Variants in GALNT13 observed in about 807,000 individuals in gnomAD.
GALNT13 encodes the protein UDP-GalNAc:polypeptide N-acetylgalactosaminyltransferase 13.
In GALNT13, 28 loss-of-function variants were observed where a neutral mutation model predicts 64.2. The observed-to-expected ratio is 0.44, with a 90% CI of 0.32 to 0.60. The LOEUF is 0.60. Ranked by LOEUF, GALNT13 falls within the 20% of genes least tolerant of loss-of-function variation. The pLI is 0.05. For synonymous variants in GALNT13, 214 were observed against 224.6 expected, an observed-to-expected ratio of 0.95 and a Z score of 0.42; for missense variants, 577 against 669.8, an observed-to-expected ratio of 0.86 and a Z score of 1.53.
the GALNT13 span, among the ~76,000 whole-genome samples, chr2:153,859,806 T>C: frequency 1.3e-5 from 2 of 152,196 alleles, no homozygotes; most frequent in Non-Finnish European, 2.9e-5. Context: ...ACTTCTATAC[T>C]TTTTAATGGA....
intron 8 of GALNT13, among the ~76,000 whole-genome samples, chr2:154,289,137 A>G (rs1692454432): frequency 6.6e-6 from 1 of 152,176 alleles, no homozygotes; most frequent in South Asian, 2.1e-4. Flanking sequence ...GCCCAACACC[A>G]TGTGTAAGCC....
At chr2:153,174,629 T>C in the GALNT13 span, among the ~76,000 whole-genome samples, 94 of 152,316 alleles carry the variant, frequency 6.2e-4, no homozygotes, top group African/African-American at 2.2e-3. Flanking sequence ...GCACTTTGCT[T>C]AGAAATCTCT....
chr2:153,122,818 C>T, the GALNT13 span, among the ~76,000 whole-genome samples: 1 of 152,098 alleles, frequency 6.6e-6, no homozygotes, highest in East Asian at 1.9e-4. Flanking sequence ...AATTATACCC[C>T]CTCCCCCCAA....
chr2:153,297,770 A>G, the GALNT13 span, among the ~76,000 whole-genome samples: 5 of 152,218 alleles, frequency 3.3e-5, no homozygotes, highest in Non-Finnish European at 5.9e-5. Flanking sequence ...GAGGCTAACA[A>G]TAGTGGATGT....
chr2:153,403,531 C>T, the GALNT13 span, among the ~76,000 whole-genome samples: 4 of 152,230 alleles, frequency 2.6e-5, no homozygotes, highest in Non-Finnish European at 4.4e-5. Flanking sequence ...CCCAGCCTCC[C>T]TGCCACCTTG....
chr2:153,131,630 A>G, the GALNT13 span, among the ~76,000 whole-genome samples: 1 of 152,184 alleles, frequency 6.6e-6, no homozygotes, highest in Non-Finnish European at 1.5e-5. Flanking sequence ...CCTTCTAGGT[A>G]AGCTCTTGGG....
the GALNT13 span, among the ~76,000 whole-genome samples, chr2:153,252,354 G>T: frequency 1.2e-5 from 1 of 86,090 alleles, no homozygotes; most frequent in African/African-American, 5.7e-5. Context: ...TGAGTCCATT[G>T]TAGATTCTGG....
the GALNT13 span, among the ~76,000 whole-genome samples, chr2:153,778,645 A>T: frequency 6.6e-6 from 1 of 152,200 alleles, no homozygotes; most frequent in Non-Finnish European, 1.5e-5. Context: ...TTAATACAAA[A>T]ATGATCACAT....
chr2:153,397,916 T>C, the GALNT13 span, among the ~76,000 whole-genome samples: 1 of 152,110 alleles, frequency 6.6e-6, no homozygotes, highest in African/African-American at 2.4e-5. Context: ...AACAGATTTT[T>C]TTTAATTTAT....
chr2:153,756,335 A>G, the GALNT13 span, among the ~76,000 whole-genome samples: 1 of 152,178 alleles, frequency 6.6e-6, no homozygotes, highest in African/African-American at 2.4e-5. Flanking sequence ...TTTATAAACC[A>G]AGTAAATAAA....
the GALNT13 span, among the ~76,000 whole-genome samples, chr2:153,467,593 C>T: frequency 6.6e-6 from 1 of 152,118 alleles, no homozygotes; most frequent in Admixed American, 6.5e-5. Context: ...GCCCCTCATT[C>T]CCTCCATTTT....
chr2:153,433,056 A>G, the GALNT13 span, among the ~76,000 whole-genome samples: 1 of 152,112 alleles, frequency 6.6e-6, no homozygotes, highest in Admixed American at 6.6e-5. Context: ...CCTCTATATT[A>G]TCTAGTAATA....
the GALNT13 span, among the ~76,000 whole-genome samples, chr2:153,694,454 C>T: frequency 6.6e-6 from 1 of 152,092 alleles, no homozygotes; most frequent in Non-Finnish European, 1.5e-5. Flanking sequence ...TAGTACTATA[C>T]ATAATAACAT....
chr2:154,444,725 T>C (rs1009112557), intron 12 of GALNT13, among the ~76,000 whole-genome samples: 1 of 152,108 alleles, frequency 6.6e-6, no homozygotes, highest in African/African-American at 2.4e-5. Flanking sequence ...TTATTAATAA[T>C]GACAAATATC....
chr2:153,252,188 T>C, the GALNT13 span, among the ~76,000 whole-genome samples: 1 of 147,888 alleles, frequency 6.8e-6, no homozygotes, highest in Middle Eastern at 3.4e-3. Flanking sequence ...TGGTATCTCA[T>C]TGTGGTTTTG....
intron 9 of GALNT13, among the ~76,000 whole-genome samples, chr2:154,341,394 A>G (rs1016888468): frequency 1.3e-5 from 2 of 152,158 alleles, no homozygotes; most frequent in African/African-American, 4.8e-5. Context: ...TGTGATGGAA[A>G]AAAATGAAAC....
chr2:153,683,055 C>A, the GALNT13 span, among the ~76,000 whole-genome samples: 1 of 151,556 alleles, frequency 6.6e-6, no homozygotes, highest in South Asian at 2.1e-4. Flanking sequence ...ATTGAGAATA[C>A]CTGAAGCAGA....
At chr2:153,565,755 A>G in the GALNT13 span, among the ~76,000 whole-genome samples, 1 of 152,156 alleles carries the variant, frequency 6.6e-6, no homozygotes, top group Non-Finnish European at 1.5e-5. Flanking sequence ...TATGTCTCTA[A>G]ATATATACCC....
intron 3 of GALNT13, among the ~76,000 whole-genome samples, chr2:154,130,951 T>A (rs1682576964): frequency 2.2e-5 from 3 of 137,658 alleles, no homozygotes; most frequent in Admixed American, 2.1e-4. Flanking sequence ...TTGGTGCTTT[T>A]GTTTCCAAAG....
Sources: allele counts gnomAD v4.1 joint callset (sites outside exome capture counted in the v4.1 genomes callset), GRCh38; gene constraint gnomAD v4.1.1; transcripts MANE v1.5; gene names NCBI Gene and HGNC (gene_info 2026-07-23, HGNC 2026-07-21).